Variants in RPS17 observed in about 807,000 individuals in gnomAD.
The protein encoded by RPS17 is small ribosomal subunit protein eS17.
For synonymous variants in RPS17, 75 were observed against 65.6 expected (o/e 1.14, Z -0.70); for missense variants, 68 against 182.3 (o/e 0.37, Z 3.61).
intron 2 of RPS17, chr15:82,539,227 TCGCCC>T (rs1213927791): frequency 1.2e-4 from 75 of 606,210 alleles, no homozygotes; most frequent in African/African-American, 6.4e-4. Context: ...CACCCCCAAC[TCGCCC>T]CGCCCCGCCC....
At chr15:82,539,755 G>T (rs1335886381) in intron 2 of RPS17, 10 of 709,922 alleles carry the variant, frequency 1.4e-5, no homozygotes, top group Non-Finnish European at 1.7e-5. Flanking sequence ...CAAAGCAAGA[G>T]GTCTGACGGT....
chr15:82,539,186 T>A (rs894502909), intron 2 of RPS17: 5 of 694,062 alleles, frequency 7.2e-6, no homozygotes, highest in African/African-American at 1.8e-5. Flanking sequence ...CACTCTCTAT[T>A]CAAACTCTCC....
At chr15:82,539,058 C>G (rs1318545) in intron 2 of RPS17, 73 bp from the exon 3 acceptor site, 894,431 of 1,422,958 alleles carry the variant, frequency 0.63, 284,492 homozygotes, top group African/African-American at 0.75. Flanking sequence ...AGCACATGTG[C>G]ATATATAAAT....
At position 82,536,759 on chromosome 15, in the gene RPS17, G is replaced by A. The variant is rs2034246472; in HGVS notation, c.*42C>T. ...CAAAGATGACACAGGCAAGGCTGTT[G>A]TCCCAGATTTATTGAAAATAATACA... On this transcript the variant is annotated 3_prime_UTR_variant, in exon 5 of 5. Transcript: ENST00000647841. The A allele has an allele frequency of 2.5e-6, 4 of 1,609,992 alleles. No homozygotes were observed. Among genetic ancestry groups the A allele is most frequent in the Non-Finnish European group, 3.4e-6 (4 of 1,176,230 alleles).
intron 4 of RPS17, 193 bp downstream of exon 4, chr15:82,538,113 G>C: frequency 1.5e-6 from 1 of 653,784 alleles, no homozygotes; most frequent in Non-Finnish European, 2.9e-6. Flanking sequence ...TGGGAATCAT[G>C]ATCTTGTGGC....
intron 3 of RPS17, 177 bp downstream of exon 3, chr15:82,538,703 T>G: frequency 1.4e-6 from 1 of 731,074 alleles, no homozygotes; most frequent in South Asian, 1.5e-5. Flanking sequence ...CTTAACTGGT[T>G]CCAGAAGAGC....
chr15:82,538,258 G>C, intron 4 of RPS17, 48 bp downstream of exon 4: 1 of 1,604,438 alleles, frequency 6.2e-7, no homozygotes, highest in Non-Finnish European at 8.5e-7. Context: ...ACCTACTGAT[G>C]GTTTTTGACC....
intron 4 of RPS17, chr15:82,538,099 G>C (rs994919238): frequency 1.6e-6 from 1 of 634,074 alleles, no homozygotes. Flanking sequence ...GAAGCCACTA[G>C]ATTTGGGAAT....
At chr15:82,540,309 A>C in intron 1 of RPS17, 117 bp downstream of exon 1, 1 of 1,583,982 alleles carries the variant, frequency 6.3e-7, no homozygotes, top group Non-Finnish European at 8.6e-7. Flanking sequence ...GTTGCGCTCC[A>C]GCCTGACAGG....
intron 4 of RPS17, 77 bp from the exon 5 acceptor site, chr15:82,536,958 C>G: frequency 6.4e-7 from 1 of 1,565,902 alleles, no homozygotes; most frequent in Non-Finnish European, 8.8e-7. Flanking sequence ...ACACAGGCCC[C>G]TAGAGCCACA....
At chr15:82,538,734 G>T in intron 3 of RPS17, 146 bp downstream of exon 3, 2 of 835,484 alleles carry the variant, frequency 2.4e-6, no homozygotes, top group Non-Finnish European at 4.1e-6. Flanking sequence ...CTAAGAAACT[G>T]GTAGGGGGCC....
chr15:82,539,951 G>A (rs2034315909), intron 2 of RPS17, 30 bp downstream of exon 2: 5 of 1,612,026 alleles, frequency 3.1e-6, no homozygotes, highest in Non-Finnish European at 4.2e-6. Flanking sequence ...AGATCGCGGA[G>A]CCCCGGAGGC....
chr15:82,539,852 C>T, intron 2 of RPS17, 129 bp downstream of exon 2: 2 of 1,463,028 alleles, frequency 1.4e-6, no homozygotes, highest in Non-Finnish European at 9.6e-7. Context: ...GAGCTCTAGC[C>T]CTTCTCCGGG....
chr15:82,536,925 C>A, intron 4 of RPS17, 44 bp from the exon 5 acceptor site: 3 of 1,609,944 alleles, frequency 1.9e-6, no homozygotes, highest in Non-Finnish European at 2.6e-6. Context: ...CTGGTGAGAT[C>A]TGTGAGTGGA....
Position 82,539,973 on chromosome 15 carries a change from C to A in RPS17, c.155+8G>T, listed in dbSNP as rs1315847604. 4 of 1,612,020 alleles carry A rather than the reference C, an allele frequency of 2.5e-6. No homozygotes were observed. The highest frequency in any genetic ancestry group is 3.4e-6 in the Non-Finnish European group (4 of 1,179,866). On this transcript the variant is annotated splice_region_variant and intron_variant, in intron 2 of 4. Coordinates refer to ENST00000647841, the MANE Select transcript of RPS17 (RefSeq NM_001021.6). ...GGAGCCCCGGAGGCCGAGGAAGGCC[C>A]GACTCACCCTGCTATCTTGTTGCGG...
At chr15:82,539,117 C>T in intron 2 of RPS17, 132 bp from the exon 3 acceptor site, 2 of 892,256 alleles carry the variant, frequency 2.2e-6, no homozygotes, top group East Asian at 2.4e-5. Context: ...ACTCACTATC[C>T]TGGGACCTCC....
intron 3 of RPS17, 117 bp from the exon 4 acceptor site, chr15:82,538,488 CCT>C (rs2034278864): frequency 1.7e-6 from 2 of 1,186,882 alleles, no homozygotes; most frequent in African/African-American, 1.5e-5. Flanking sequence ...GGATAGCATT[CCT>C]CTCACAAGGT....
intron 1 of RPS17, 31 bp downstream of exon 1, chr15:82,540,395 G>T: frequency 1.3e-6 from 2 of 1,593,040 alleles, no homozygotes; most frequent in Non-Finnish European, 1.7e-6. Flanking sequence ...GACGATTGTG[G>T]AGGATGGCGG....
At chr15:82,539,484 T>TC (rs1360920511) in intron 2 of RPS17, 1 of 458,448 alleles carries the variant, frequency 2.2e-6, no homozygotes, top group East Asian at 6.9e-5. Flanking sequence ...GGTCAGGTGT[T>TC]CGAGACCAGC....
Sources: allele counts gnomAD v4.1 joint callset, GRCh38; gene constraint gnomAD v4.1.1; transcripts MANE v1.5; gene names NCBI Gene and HGNC (gene_info 2026-07-23, HGNC 2026-07-21).